UGT2A3: variants seen among roughly 807,000 people sequenced by gnomAD.
The protein encoded by UGT2A3 is UDP glucuronosyltransferase family 2 member A3, also known as UDP-glucuronosyltransferase 2A3.
In UGT2A3, 55 loss-of-function variants were observed where a neutral mutation model predicts 44.1. The ratio of observed to expected loss-of-function variants is 1.25; its 90% confidence interval spans 1.00 to 1.56. The LOEUF (loss-of-function observed/expected upper bound fraction) is 1.56, where lower values mean the gene tolerates loss of function less well. Among genes scored for constraint, UGT2A3 ranks in the 40% most tolerant of loss-of-function variants. The pLI, the probability that UGT2A3 is intolerant of heterozygous loss-of-function variation, is 0.00. For missense variants in UGT2A3, 733 were observed against 621.6 expected (o/e 1.18, Z -1.91); for synonymous variants, 243 against 215.1 (o/e 1.13, Z -1.13).
chr4:68,935,272 GTATGTA>G (rs1446372093), intron 2 of UGT2A3, among the ~76,000 whole-genome samples: 173 of 89,196 alleles, frequency 1.9e-3, no homozygotes, highest in East Asian at 8.0e-3. Context: ...ATGTATGTAT[GTATGTA>G]TATATATATA....
intron 1 of UGT2A3, among the ~76,000 whole-genome samples, chr4:68,950,255 C>T (rs1385477206): frequency 6.6e-6 from 1 of 151,822 alleles, no homozygotes; most frequent in Non-Finnish European, 1.5e-5. Flanking sequence ...AGGCTAAGGA[C>T]ATTTGAACTG....
Position 68,945,409 on chromosome 4 carries a change from C to T in UGT2A3, c.761G>A (p.Trp254Ter), listed in dbSNP as rs1277584162. ...AAAATCCCAATATGTTCGTATTAGC[C>T]ATATCTCAGCTTTTCCCACAGTCTC... is the stretch of plus-strand genomic sequence containing the variant. ...LCETVGKAEI[W>*]LIRTYWDFEF... is the part of the protein sequence containing the mutation. Residue 254 changes from tryptophan (W) to a stop codon, truncating the protein, a stop_gained, in exon 2 of 6, where the codon TGG (tryptophan) becomes TAG (stop). Coordinates refer to ENST00000251566, the MANE Select transcript of UGT2A3 (RefSeq NM_024743.4). LOFTEE classifies it high-confidence loss of function. The T allele has an allele frequency of 1.9e-6, 3 of 1,611,140 alleles. No homozygotes were observed. The highest frequency in any genetic ancestry group is 1.7e-6 in the Non-Finnish European group (2 of 1,178,338).
intron 3 of UGT2A3, among the ~76,000 whole-genome samples, chr4:68,932,193 G>C (rs1336771459): frequency 1.3e-5 from 2 of 151,454 alleles, no homozygotes; most frequent in African/African-American, 2.4e-5. Context: ...ACATTAATCT[G>C]AGCTTTTATT....
At chr4:68,931,270 G>A in intron 3 of UGT2A3, 28 bp from the exon 4 acceptor site, 1 of 1,535,808 alleles carries the variant, frequency 6.5e-7, no homozygotes. Context: ...GTATTTCACA[G>A]AGTGAACCAC....
At chr4:68,933,112 C>T (rs574988731) in intron 2 of UGT2A3, among the ~76,000 whole-genome samples, 15 of 151,922 alleles carry the variant, frequency 9.9e-5, no homozygotes, top group Non-Finnish European at 1.6e-4. Context: ...CTGACATCAG[C>T]GAGATGGTGG....
At chr4:68,939,643 G>A (rs1718110727) in intron 2 of UGT2A3, among the ~76,000 whole-genome samples, 1 of 151,922 alleles carries the variant, frequency 6.6e-6, no homozygotes, top group African/African-American at 2.4e-5. Flanking sequence ...CTGGGCAAGG[G>A]TTTCATGACT....
rs1577854205 is a variant in UGT2A3, at chr4:68,943,978, C to T, written c.864+1328G>A. On this transcript the variant is annotated intron_variant, in intron 2 of 5. Coordinates refer to ENST00000251566, the MANE Select transcript of UGT2A3 (RefSeq NM_024743.4). ...CATTTTGGCACATAGATCCCTCACTCTCTTTCTTGGTCTCCATTCATTGGT... is the reference window on the plus strand; with the variant it reads ...CATTTTGGCACATAGATCCCTCACTTTCTTTCTTGGTCTCCATTCATTGGT... Among the ~76,000 whole-genome samples, 4 of 151,992 alleles carry T rather than the reference C, an allele frequency of 2.6e-5. 1 individual carries two copies. The highest frequency in any genetic ancestry group is 2.6e-4 in the Admixed American group (4 of 15,228).
intron 2 of UGT2A3, among the ~76,000 whole-genome samples, chr4:68,938,284 G>C (rs565580500): frequency 7.9e-5 from 12 of 152,104 alleles, no homozygotes; most frequent in African/African-American, 1.4e-4. Flanking sequence ...TATCTCTGAG[G>C]AATATCACTG....
At position 68,948,430 on chromosome 4, in the gene UGT2A3, C is replaced by CTTTTTCTTCTTTTTTTTTTTTTTTT. The variant is rs772753904; in HGVS notation, c.715+2615_715+2616insAAAAAAAAAAAAAAAAGAAGAAAAA. 8.6e-5 allele frequency among the ~76,000 whole-genome samples: 6 copies of CTTTTTCTTCTTTTTTTTTTTTTTTT among 69,706 alleles called. 1 individual carries two copies. The highest frequency in any genetic ancestry group is 2.2e-4 in the Non-Finnish European group (6 of 27,436). The allele number at this position is 69,706 out of a possible 152,430, so 45.7% of individuals were successfully genotyped here. A position where few individuals can be genotyped will look rare whatever the true frequency, so the allele number is the denominator to read the frequency against. On this transcript the variant is annotated intron_variant, in intron 1 of 5. Transcript: ENST00000251566. Reference sequence around the variant, plus strand: ...TGGTTGGTTTAATTTTTTTTCTTTTCTTTTTTTTCTTTTTTTTTTTTTTTT... The same window carrying CTTTTTCTTCTTTTTTTTTTTTTTTT: ...TGGTTGGTTTAATTTTTTTTCTTTTCTTTTTCTTCTTTTTTTTTTTTTTTTTTTTTTTTCTTTTTTTTTTTTTTTT...
In UGT2A3 at chr4:68,929,488, C is replaced by T. The variant is rs759531978; in HGVS notation, c.*325G>A. ...TTATATCCATGTGTTTGGGCGCACACCAGGAATAATCATATTGCATGTCAC... is the reference window on the plus strand; with the variant it reads ...TTATATCCATGTGTTTGGGCGCACATCAGGAATAATCATATTGCATGTCAC... On this transcript the variant is annotated 3_prime_UTR_variant, in exon 6 of 6. Coordinates refer to ENST00000251566, the MANE Select transcript of UGT2A3 (RefSeq NM_024743.4). 2 of 192,772 alleles carry T rather than the reference C, an allele frequency of 1.0e-5. No homozygotes were observed. Among genetic ancestry groups the T allele is most frequent in the Admixed American group, 5.6e-5 (1 of 17,808 alleles). 11.9% of individuals were successfully genotyped at this position (192,772 alleles called of 1,614,324 possible). A position where few individuals can be genotyped will look rare whatever the true frequency, so the allele number is the denominator to read the frequency against.
intron 2 of UGT2A3, among the ~76,000 whole-genome samples, chr4:68,943,869 G>T (rs1718282276): frequency 6.6e-6 from 1 of 151,632 alleles, no homozygotes; most frequent in Admixed American, 6.6e-5. Context: ...TGCCTCCATG[G>T]ACTTTGTGCC....
chr4:68,931,414 A>T (rs1166939035), intron 3 of UGT2A3, among the ~76,000 whole-genome samples, 172 bp from the exon 4 acceptor site: 2 of 152,046 alleles, frequency 1.3e-5, no homozygotes, highest in African/African-American at 4.8e-5. Context: ...TTTTACAAAG[A>T]TCTTTTAAAA....
At chr4:68,944,797 G>C (rs532475846) in intron 2 of UGT2A3, among the ~76,000 whole-genome samples, 1 of 151,854 alleles carries the variant, frequency 6.6e-6, no homozygotes, top group East Asian at 2.0e-4. Flanking sequence ...ACTTATTTGA[G>C]TAAAAGTCAT....
chr4:68,948,234 C>A (rs1250624970), intron 1 of UGT2A3, among the ~76,000 whole-genome samples: 5 of 151,732 alleles, frequency 3.3e-5, no homozygotes, highest in Non-Finnish European at 7.4e-5. Flanking sequence ...TCACATTGAA[C>A]TTTTGCATCA....
rs1166039458 is a variant in UGT2A3 at position 68,928,821 on chromosome 4, C to T, written c.*992G>A. 1 of 151,762 alleles carries T rather than the reference C, an allele frequency of 6.6e-6. No individual in the cohort carries two copies. The highest frequency in any genetic ancestry group is 2.4e-5 in the African/African-American group (1 of 41,368). The allele number at this position is 151,762 out of a possible 1,614,324, so 9.4% of individuals were successfully genotyped here. ...GGTTTTCTAATACCTTAAATTTTTA[C>T]TATGTAAGCAATTATTTGATGAATT... On this transcript the variant is annotated 3_prime_UTR_variant, in exon 6 of 6. Transcript: ENST00000251566.
In UGT2A3 at chr4:68,931,739, GT is replaced by G. The variant is rs1333108160; in HGVS notation, c.997-498del. 1.5e-4 allele frequency among the ~76,000 whole-genome samples: 23 copies of G among 151,702 alleles called. 1 individual carries two copies. The highest frequency in any genetic ancestry group is 1.5e-3 in the South Asian group (7 of 4,812). ...GGCCTCTTTCTTCTTATATTTAATT[GT>G]TTTATTGAAGAAGAATGAGCTAGAA... On this transcript the variant is annotated intron_variant, in intron 3 of 5. Transcript: ENST00000251566.
chr4:68,930,621 G>A lies in UGT2A3; in HGVS notation c.1229C>T (p.Ala410Val), dbSNP rs775730405. ...CATAGTTTTGAAGTTTATTTCTACA[G>A]CTGCTCCTTTGGCCTTCATGTGAGC... is the stretch of plus-strand genomic sequence containing the variant. ...NIAHMKAKGA[A>V]VEINFKTMTS... Residue 410 changes from alanine (A) to valine (V), a missense_variant, in exon 5 of 6, where the codon GCT becomes GTT. By Grantham distance (64) the Ala-to-Val change is moderately conservative (BLOSUM62 0). Coordinates refer to ENST00000251566, the MANE Select transcript of UGT2A3 (RefSeq NM_024743.4). 4 of 1,613,514 alleles carry A rather than the reference G, an allele frequency of 2.5e-6. No individual in the cohort carries two copies. The highest frequency in any genetic ancestry group is 1.7e-5 in the Admixed American group (1 of 59,958).
chr4:68,932,351 T>C (rs760316533), intron 3 of UGT2A3, among the ~76,000 whole-genome samples: 2 of 151,810 alleles, frequency 1.3e-5, no homozygotes, highest in Non-Finnish European at 2.9e-5. Flanking sequence ...TTTGGAATCA[T>C]TGGCACACGC....
Position 68,929,784 on chromosome 4 carries a change from C to T in UGT2A3, c.*29G>A, listed in dbSNP as rs577068061. 13 of 1,528,174 alleles carry T rather than the reference C, an allele frequency of 8.5e-6. No homozygotes were observed. In the East Asian group the frequency reaches 2.3e-4, roughly 26 times the overall value. The allele number at this position is 1,528,174 out of a possible 1,614,324, so 94.7% of individuals were successfully genotyped here. A position where few individuals can be genotyped will look rare whatever the true frequency, so the allele number is the denominator to read the frequency against. On this transcript the variant is annotated 3_prime_UTR_variant, in exon 6 of 6. Coordinates refer to ENST00000251566, the MANE Select transcript of UGT2A3 (RefSeq NM_024743.4). ...GTGGCTGGAATTAACAGGATTACCC[C>T]ATCAGGTCTTTCTTGAATTTGGAAA...
Sources: allele counts gnomAD v4.1 joint callset (sites outside exome capture counted in the v4.1 genomes callset), GRCh38; gene constraint gnomAD v4.1.1; transcripts MANE v1.5; gene names NCBI Gene and HGNC (gene_info 2026-07-23, HGNC 2026-07-21).